Variants in DSCAM observed in about 807,000 individuals in gnomAD.
DSCAM encodes DS cell adhesion molecule.
A neutral mutation model predicts 217.7 loss-of-function variants in DSCAM; 47 were observed. The ratio of observed to expected loss-of-function variants is 0.22; its 90% confidence interval spans 0.17 to 0.28. DSCAM has a LOEUF of 0.28. Ranked by LOEUF, DSCAM falls within the 10% of genes least tolerant of loss-of-function variation. DSCAM has a pLI of 1.00. For missense variants in DSCAM, 2,080 were observed against 2,618.3 expected, an observed-to-expected ratio of 0.79 and a Z score of 4.49; for synonymous variants, 1,056 against 1,015.3, an observed-to-expected ratio of 1.04 and a Z score of -0.76.
intron 11 of DSCAM, among the ~76,000 whole-genome samples, chr21:40,256,376 C>T (rs750899293): frequency 2.0e-5 from 3 of 150,704 alleles, no homozygotes; most frequent in Non-Finnish European, 4.4e-5. Context: ...CCCAGAGAAA[C>T]AGAACCAATA....
In DSCAM at chr21:40,633,706, C is replaced by T. The variant is rs190501623; in HGVS notation, c.508+59104G>A. ...TAAGATGGCTGCTCAGATGGGCCTC[C>T]GTCAGGACTGTAGGCTAAGAACTGT... On this transcript the variant is annotated intron_variant, in intron 3 of 32. Coordinates refer to ENST00000400454, the MANE Select transcript of DSCAM (RefSeq NM_001389.5). 5.9e-5 allele frequency among the ~76,000 whole-genome samples: 9 copies of T among 152,242 alleles called. No homozygotes were observed. In the East Asian group the frequency reaches 1.5e-3, roughly 26 times the overall value.
At position 40,151,150 on chromosome 21, in the gene DSCAM, C is replaced by T. The variant is rs115516035; in HGVS notation, c.3019-6419G>A. ...CTCCTGGGTGTTGCTTGCTCACCTG[C>T]GTTCCTCTCTGACTGCCTGAAAAAG... On this transcript the variant is annotated intron_variant, in intron 16 of 32. Transcript: ENST00000400454. 3.5e-3 allele frequency among the ~76,000 whole-genome samples: 535 copies of T among 152,270 alleles called. 6 individuals are homozygous for T. The highest frequency in any genetic ancestry group is 0.012 in the African/African-American group (512 of 41,556).
intron 11 of DSCAM, among the ~76,000 whole-genome samples, chr21:40,274,105 A>C (rs1434087533): frequency 6.6e-6 from 1 of 152,120 alleles, no homozygotes; most frequent in Non-Finnish European, 1.5e-5. Flanking sequence ...TTGGACATAT[A>C]TCCACTCAAT....
chr21:40,623,697 C>T (rs909282501), intron 3 of DSCAM, among the ~76,000 whole-genome samples: 12 of 152,198 alleles, frequency 7.9e-5, no homozygotes, highest in Admixed American at 4.6e-4. Flanking sequence ...AAGGCCTCTA[C>T]AAATTCAAAG....
At chr21:40,252,860 G>A (rs886267949) in intron 11 of DSCAM, among the ~76,000 whole-genome samples, 5 of 152,138 alleles carry the variant, frequency 3.3e-5, no homozygotes, top group African/African-American at 1.2e-4. Flanking sequence ...GGGGAAGTGG[G>A]GAGAAAGAGA....
In DSCAM at chr21:40,525,480, C is replaced by T. The variant is rs561191771; in HGVS notation, c.509-156235G>A. Among the ~76,000 whole-genome samples the T allele has an allele frequency of 5.3e-5, 8 of 152,290 alleles. No homozygotes were observed. In the South Asian group the frequency reaches 1.7e-3, roughly 32 times the overall value. ...CAAAGTGGGTCTTTGTGTTACAGAT[C>T]TCCAATGTCATGAAACAAACATTCT... is the stretch of plus-strand genomic sequence containing the variant. On this transcript the variant is annotated intron_variant, in intron 3 of 32. Coordinates refer to ENST00000400454, the MANE Select transcript of DSCAM (RefSeq NM_001389.5).
At chr21:40,834,236 G>A (rs947029629) in intron 1 of DSCAM, among the ~76,000 whole-genome samples, 1 of 151,490 alleles carries the variant, frequency 6.6e-6, no homozygotes, top group Non-Finnish European at 1.5e-5. Context: ...GTGAAACCCC[G>A]TCTCTACTAA....
intron 3 of DSCAM, among the ~76,000 whole-genome samples, chr21:40,514,593 G>T (rs2076285519): frequency 6.6e-6 from 1 of 152,182 alleles, no homozygotes; most frequent in African/African-American, 2.4e-5. Context: ...CTAATGTTCT[G>T]CAGCAACATC....
intron 18 of DSCAM, among the ~76,000 whole-genome samples, chr21:40,139,067 GGTGT>G (rs1330206223): frequency 6.8e-6 from 1 of 147,422 alleles, no homozygotes; most frequent in Non-Finnish European, 1.5e-5. Flanking sequence ...ATGTATGTGT[GGTGT>G]GTGTATGCAT....
chr21:40,296,073 C>T lies in DSCAM; in HGVS notation c.2164G>A (p.Val722Met), dbSNP rs77295141. ...SAEGYPVPTI[V>M]WKFSKGAGVP... ...TCCATACCTTTAGAGAATTTCCACACGATGGTAGGTACAGGGTAACCCTCA... is the reference window on the plus strand; with the variant it reads ...TCCATACCTTTAGAGAATTTCCACATGATGGTAGGTACAGGGTAACCCTCA... The change falls in exon 10 of 33, where the codon GTG becomes ATG. Residue 722 changes from valine to methionine, a missense_variant. By Grantham distance (21) the Val-to-Met change is conservative. Transcript: ENST00000400454. The T allele has an allele frequency of 5.6e-5, 91 of 1,613,584 alleles. No homozygotes were observed. The highest frequency in any genetic ancestry group is 7.0e-5 in the Non-Finnish European group (83 of 1,179,822).
At chr21:40,139,819 G>A (rs548743344) in intron 18 of DSCAM, among the ~76,000 whole-genome samples, 1 of 151,184 alleles carries the variant, frequency 6.6e-6, no homozygotes, top group East Asian at 1.9e-4. Context: ...TGGTGTGTGT[G>A]TGTGGTATGC....
chr21:40,601,033 T>C (rs1005607318), intron 3 of DSCAM, among the ~76,000 whole-genome samples: 1 of 152,214 alleles, frequency 6.6e-6, no homozygotes, highest in Non-Finnish European at 1.5e-5. Context: ...CCATGTAAGC[T>C]TTAGAATCAG....
intron 3 of DSCAM, among the ~76,000 whole-genome samples, chr21:40,616,793 G>A (rs984014577): frequency 1.3e-5 from 2 of 151,998 alleles, no homozygotes; most frequent in African/African-American, 4.8e-5. Context: ...CGAGGCGAGC[G>A]GATCACGAGG....
intron 2 of DSCAM, among the ~76,000 whole-genome samples, chr21:40,694,474 C>T (rs2090574710): frequency 6.6e-6 from 1 of 152,188 alleles, no homozygotes; most frequent in Admixed American, 6.5e-5. Context: ...TAAGGTCGGG[C>T]TAACCTTGTG....
chr21:40,028,694 C>T (rs552695836), intron 32 of DSCAM, among the ~76,000 whole-genome samples: 26 of 152,320 alleles, frequency 1.7e-4, no homozygotes, highest in Middle Eastern at 3.4e-3. Flanking sequence ...GGCAATGCCT[C>T]GCTCTGCTTC....
chr21:40,433,998 T>G (rs2075560694), intron 3 of DSCAM, among the ~76,000 whole-genome samples: 1 of 152,254 alleles, frequency 6.6e-6, no homozygotes, highest in Admixed American at 6.5e-5. Context: ...TGGTTTCACC[T>G]GGGAAGGGCC....
chr21:40,114,306 A>G (rs1228970317), intron 20 of DSCAM, among the ~76,000 whole-genome samples: 1 of 150,220 alleles, frequency 6.7e-6, no homozygotes, highest in Non-Finnish European at 1.5e-5. Flanking sequence ...AAAACAAGCA[A>G]TGGGGAAAGG....
At chr21:40,797,521 T>C (rs2091702768) in intron 1 of DSCAM, among the ~76,000 whole-genome samples, 1 of 152,226 alleles carries the variant, frequency 6.6e-6, no homozygotes, top group Admixed American at 6.5e-5. Context: ...ATGAATAAAT[T>C]CATGACATGA....
At chr21:40,759,638 T>C (rs1490977874) in intron 1 of DSCAM, among the ~76,000 whole-genome samples, 1 of 152,000 alleles carries the variant, frequency 6.6e-6, no homozygotes, top group Non-Finnish European at 1.5e-5. Flanking sequence ...CTCAGTTGGG[T>C]TGATTGCTGG....
Sources: allele counts gnomAD v4.1 joint callset (sites outside exome capture counted in the v4.1 genomes callset), GRCh38; gene constraint gnomAD v4.1.1; transcripts MANE v1.5; gene names NCBI Gene and HGNC (gene_info 2026-07-23, HGNC 2026-07-21).